Variants in NCAM2 observed in about 807,000 individuals in gnomAD.
NCAM2 encodes the protein N-CAM-2.
NCAM2 carries 30 observed loss-of-function variants against 98.1 expected under a neutral mutation model. The observed-to-expected ratio is 0.31, with a 90% CI of 0.23 to 0.41. The LOEUF (loss-of-function observed/expected upper bound fraction) is 0.41, where lower values mean the gene tolerates loss of function less well. NCAM2 is among the 10% of genes least tolerant of loss of function. The probability of loss-of-function intolerance (pLI) is 1.00; values close to 1 mark genes in which losing one functional copy is unlikely to be tolerated. For missense variants in NCAM2, 867 were observed against 1,005.8 expected, an observed-to-expected ratio of 0.86 and a Z score of 1.87; for synonymous variants, 368 against 342.4, an observed-to-expected ratio of 1.07 and a Z score of -0.83.
chr21:21,324,616 A>G, intron 6 of NCAM2, 116 bp downstream of exon 6: 1 of 762,712 alleles, frequency 1.3e-6, no homozygotes, highest in Non-Finnish European at 2.1e-6. Context: ...GTTTCATTAA[A>G]AAAAAATCCT....
intron 1 of NCAM2, among the ~76,000 whole-genome samples, chr21:21,038,991 C>G (rs1013395436): frequency 1.3e-5 from 2 of 152,104 alleles, no homozygotes; most frequent in Non-Finnish European, 2.9e-5. Flanking sequence ...ATTTCTTGAT[C>G]AGAGAAACTA....
chr21:21,161,432 G>GT (rs202218678), intron 1 of NCAM2, among the ~76,000 whole-genome samples: 1 of 151,690 alleles, frequency 6.6e-6, no homozygotes, highest in African/African-American at 2.4e-5. Flanking sequence ...TGGTAGGGTT[G>GT]TTTTTTAATA....
At chr21:21,511,948 T>C (rs975537230) in intron 16 of NCAM2, among the ~76,000 whole-genome samples, 2 of 152,026 alleles carry the variant, frequency 1.3e-5, no homozygotes, top group African/African-American at 4.8e-5. Flanking sequence ...GATTATTTGT[T>C]TTGTTTTTTT....
chr21:21,392,989 CT>C lies in NCAM2; in HGVS notation c.1196-17281del, dbSNP rs575246102. 2.2e-3 allele frequency among the ~76,000 whole-genome samples: 337 copies of C among 152,080 alleles called. 1 individual carries two copies. Among genetic ancestry groups the C allele is most frequent in the African/African-American group, 7.6e-3 (316 of 41,498 alleles). The stretch of plus-strand genomic sequence containing the variant: ...TCAATTTTTCCTTTTGTTGCAATTG[CT>C]TTTGGCATCTTCATCATGAAATCTT... On this transcript the variant is annotated intron_variant, in intron 9 of 17. Transcript: ENST00000400546.
chr21:21,031,913 A>T (rs185801330), intron 1 of NCAM2, among the ~76,000 whole-genome samples: 10 of 152,206 alleles, frequency 6.6e-5, no homozygotes, highest in South Asian at 6.2e-4. Context: ...ACTTAGGCAG[A>T]TTTTTGGTTT....
intron 12 of NCAM2, among the ~76,000 whole-genome samples, chr21:21,433,433 T>A (rs1394262274): frequency 1.3e-5 from 2 of 152,006 alleles, no homozygotes; most frequent in African/African-American, 4.8e-5. Flanking sequence ...TTTTGTTTTG[T>A]TTTATTTTAT....
intron 1 of NCAM2, among the ~76,000 whole-genome samples, chr21:21,158,218 A>T (rs982877866): frequency 1.3e-5 from 2 of 152,198 alleles, no homozygotes; most frequent in African/African-American, 4.8e-5. Flanking sequence ...TTCTATGTTA[A>T]TCTGATTAAT....
chr21:21,236,756 ATGTGTG>A (rs35816689), intron 1 of NCAM2, among the ~76,000 whole-genome samples: 6,287 of 150,056 alleles, frequency 0.042, 144 homozygotes, highest in African/African-American at 0.057. Flanking sequence ...ATCAGTACAT[ATGTGTG>A]TGTGTGTGTG....
At chr21:21,011,278 G>A (rs191650506) in intron 1 of NCAM2, among the ~76,000 whole-genome samples, 9 of 152,044 alleles carry the variant, frequency 5.9e-5, no homozygotes, top group African/African-American at 2.2e-4. Context: ...CATCTAATAA[G>A]GGAAGGATCT....
chr21:21,138,603 C>T (rs898958169), intron 1 of NCAM2, among the ~76,000 whole-genome samples: 2 of 152,092 alleles, frequency 1.3e-5, no homozygotes, highest in African/African-American at 2.4e-5. Flanking sequence ...CATCCTCTCA[C>T]ATCTCCAGCA....
intron 5 of NCAM2, among the ~76,000 whole-genome samples, chr21:21,314,076 G>A (rs1228335857): frequency 1.3e-5 from 2 of 151,996 alleles, no homozygotes; most frequent in African/African-American, 4.8e-5. Context: ...AACTTAAAAA[G>A]TGAATAGTGT....
chr21:21,198,967 T>C (rs1364286624), intron 1 of NCAM2, among the ~76,000 whole-genome samples: 1 of 152,182 alleles, frequency 6.6e-6, no homozygotes. Flanking sequence ...AGCTCCTGTA[T>C]GTAGGGTTAC....
At chr21:21,322,001 G>A (rs918221144) in intron 5 of NCAM2, among the ~76,000 whole-genome samples, 3 of 152,176 alleles carry the variant, frequency 2.0e-5, no homozygotes, top group Admixed American at 6.6e-5. Flanking sequence ...ACAGACACAT[G>A]CACTCGTACG....
intron 1 of NCAM2, among the ~76,000 whole-genome samples, chr21:21,199,389 A>G (rs987121593): frequency 3.9e-5 from 6 of 152,234 alleles, no homozygotes; most frequent in Non-Finnish European, 8.8e-5. Context: ...AAATATTCCA[A>G]ATTCGGACTT....
chr21:21,452,999 A>ATTATATT lies in NCAM2; in HGVS notation c.1655-13607_1655-13606insTTATATT, dbSNP rs1325754087. On this transcript the variant is annotated intron_variant, in intron 12 of 17. Coordinates refer to ENST00000400546, the MANE Select transcript of NCAM2 (RefSeq NM_004540.5). ...TTATATATTATATATTATATTATAT[A>ATTATATT]ATATATAATATATAAAAATATATAA... 9.6e-4 allele frequency among the ~76,000 whole-genome samples: 88 copies of ATTATATT among 92,136 alleles called. 1 individual carries two copies. The highest frequency in any genetic ancestry group is 4.0e-3 in the African/African-American group (82 of 20,514). 60.4% of individuals were successfully genotyped at this position (92,136 alleles called of 152,430 possible). A position where few individuals can be genotyped will look rare whatever the true frequency, so the allele number is the denominator to read the frequency against.
At chr21:21,148,397 A>C (rs2067349859) in intron 1 of NCAM2, among the ~76,000 whole-genome samples, 1 of 152,190 alleles carries the variant, frequency 6.6e-6, no homozygotes, top group Non-Finnish European at 1.5e-5. Flanking sequence ...CTACTGGAAG[A>C]TACTTCACAG....
At chr21:21,310,084 C>T (rs148838214) in intron 5 of NCAM2, among the ~76,000 whole-genome samples, 20 of 152,180 alleles carry the variant, frequency 1.3e-4, no homozygotes, top group African/African-American at 4.8e-4. Context: ...ATAGGAAGAC[C>T]TGACTTCTAA....
chr21:21,478,132 G>T (rs1198350714), intron 15 of NCAM2, among the ~76,000 whole-genome samples: 1 of 152,022 alleles, frequency 6.6e-6, no homozygotes, highest in Non-Finnish European at 1.5e-5. Flanking sequence ...CTTTTATTCA[G>T]ATAAATGCTC....
At chr21:21,346,374 C>G (rs1232095802) in intron 8 of NCAM2, among the ~76,000 whole-genome samples, 1 of 151,870 alleles carries the variant, frequency 6.6e-6, no homozygotes, top group African/African-American at 2.4e-5. Context: ...ATGGGAGAAC[C>G]CAGATACATA....
Sources: gnomAD v4.1 joint callset for allele counts (sites outside exome capture counted in the v4.1 genomes callset) on GRCh38, gnomAD v4.1.1 for gene constraint, MANE v1.5 for transcripts, NCBI Gene and HGNC (gene_info 2026-07-23, HGNC 2026-07-21) for gene names.